The following PCDH15 variants were observed in gnomAD, a reference collection of about 807,000 sequenced individuals.
The protein encoded by PCDH15 is protocadherin related 15.
In PCDH15, 129 loss-of-function variants were observed where a neutral mutation model predicts 178.5. The ratio of observed to expected loss-of-function variants is 0.72; its 90% CI spans 0.63 to 0.84. PCDH15 has a LOEUF of 0.84. Among genes scored for constraint, PCDH15 ranks in the 40% least tolerant of loss-of-function variants. The pLI is 0.00. For synonymous variants in PCDH15, 800 were observed against 732.0 expected (o/e 1.09, Z -1.50); for missense variants, 2,230 against 2,099.9 (o/e 1.06, Z -1.21).
chr10:54,030,361 C>T (rs992502047), intron 18 of PCDH15, among the ~76,000 whole-genome samples: 3 of 118,482 alleles, frequency 2.5e-5, no homozygotes, highest in Admixed American at 1.0e-4. Flanking sequence ...AAAAGATGTA[C>T]AATAGTTGTC....
chr10:55,366,073 T>TTAAA (rs1452387449), intron 2 of PCDH15: 1 of 152,122 alleles, frequency 6.6e-6, no homozygotes, highest in Non-Finnish European at 1.5e-5. Flanking sequence ...CATTTGTACT[T>TTAAA]TAAATACTTG....
At chr10:54,683,128 G>A (rs1407068916) in intron 1 of PCDH15, among the ~76,000 whole-genome samples, 9 of 152,004 alleles carry the variant, frequency 5.9e-5, no homozygotes, top group Admixed American at 5.9e-4. Context: ...CTATTGTTCA[G>A]ATTTTTTAAA....
intron 2 of PCDH15, among the ~76,000 whole-genome samples, chr10:55,098,067 A>C (rs1322952291): frequency 6.6e-6 from 1 of 152,146 alleles, no homozygotes; most frequent in African/African-American, 2.4e-5. Flanking sequence ...GAGGTGAAAA[A>C]ACATTGCATG....
chr10:55,052,537 C>CAAAAAAAAAAAAAAAAAAAAAA lies in PCDH15; in HGVS notation c.-80+114017_-80+114038dup, dbSNP rs71014444. On this transcript the variant is annotated intron_variant, in intron 2 of 5. Coordinates refer to the PCDH15 transcript ENST00000458638. ...AACATGGCGAAAACCCCGTCTCATA[C>CAAAAAAAAAAAAAAAAAAAAAA]AAAAAAAAAAAAAAAAAAAAAAAAA... Among the ~76,000 whole-genome samples, 2 of 39,362 alleles carry CAAAAAAAAAAAAAAAAAAAAAA rather than the reference C, an allele frequency of 5.1e-5. 1 individual carries two copies. Among genetic ancestry groups the CAAAAAAAAAAAAAAAAAAAAAA allele is most frequent in the African/African-American group, 1.8e-4 (2 of 11,390 alleles). 25.8% of individuals were successfully genotyped at this position (39,362 alleles called of 152,430 possible).
At chr10:55,540,464 GT>G (rs1277924529) in intron 2 of PCDH15, among the ~76,000 whole-genome samples, 1 of 151,944 alleles carries the variant, frequency 6.6e-6, no homozygotes, top group African/African-American at 2.4e-5. Context: ...GAGAGAAGAA[GT>G]TTGTGTTTTC....
intron 1 of PCDH15, among the ~76,000 whole-genome samples, chr10:55,249,957 T>A (rs576525249): frequency 6.6e-6 from 1 of 151,980 alleles, no homozygotes; most frequent in South Asian, 2.1e-4. Flanking sequence ...GGTCATGATC[T>A]CTAGAAAAAA....
At chr10:55,465,122 G>A (rs1464364037) in intron 2 of PCDH15, among the ~76,000 whole-genome samples, 2 of 152,068 alleles carry the variant, frequency 1.3e-5, no homozygotes, top group Admixed American at 6.6e-5. Context: ...AACAGGGTGT[G>A]TATGCACACA....
At chr10:55,545,674 G>C (rs903244304) in intron 2 of PCDH15, among the ~76,000 whole-genome samples, 1 of 151,746 alleles carries the variant, frequency 6.6e-6, no homozygotes, top group African/African-American at 2.4e-5. Context: ...GCCTCCCAAA[G>C]TGCTGGGATT....
At chr10:53,831,636 AAC>A in intron 29 of PCDH15, 103 bp from the exon 30 acceptor site, 2 of 825,620 alleles carry the variant, frequency 2.4e-6, no homozygotes, top group East Asian at 2.7e-5. Flanking sequence ...CTCTAATTGA[AAC>A]ACAAGCTGAG....
chr10:53,869,000 G>A (rs1589166033), intron 26 of PCDH15, among the ~76,000 whole-genome samples: 1 of 152,160 alleles, frequency 6.6e-6, no homozygotes, highest in South Asian at 2.1e-4. Context: ...TAGACACAGG[G>A]TCTCGCTATG....
At position 55,326,966 on chromosome 10, in the gene PCDH15, C is replaced by T. The variant is rs186442831; in HGVS notation, c.-155-160315G>A. 6.6e-5 allele frequency among the ~76,000 whole-genome samples: 10 copies of T among 152,174 alleles called. No homozygotes were observed. The East Asian group carries it at 1.9e-3, about 29-fold the overall frequency. ...AATGTATTTCTAGACATAGACCTTA[C>T]ATAGTTTACAGAAAAATAACACAGA... On this transcript the variant is annotated intron_variant, in intron 2 of 5. Coordinates refer to the PCDH15 transcript ENST00000613346.
intron 2 of PCDH15, among the ~76,000 whole-genome samples, chr10:54,603,552 C>T (rs992687850): frequency 6.6e-6 from 1 of 151,134 alleles, no homozygotes; most frequent in Non-Finnish European, 1.5e-5. Flanking sequence ...CCATGTCTCT[C>T]GAGGCTGTGA....
intron 1 of PCDH15, among the ~76,000 whole-genome samples, chr10:55,201,215 C>T (rs925120391): frequency 6.6e-6 from 1 of 152,026 alleles, no homozygotes; most frequent in Non-Finnish European, 1.5e-5. Flanking sequence ...ACTTTTGTCA[C>T]ACAAGGTAAA....
At chr10:54,200,510 C>T (rs909408284) in intron 10 of PCDH15, among the ~76,000 whole-genome samples, 6 of 152,080 alleles carry the variant, frequency 3.9e-5, no homozygotes, top group African/African-American at 1.2e-4. Flanking sequence ...CTTCTTAGAT[C>T]GCAAGTGCTC....
At chr10:55,454,122 G>C (rs1839496124) in intron 2 of PCDH15, among the ~76,000 whole-genome samples, 1 of 151,932 alleles carries the variant, frequency 6.6e-6, no homozygotes, top group African/African-American at 2.4e-5. Flanking sequence ...ATATTTATAA[G>C]AATGTGTCTC....
chr10:55,584,658 CAAAAAAA>C (rs59983365), intron 2 of PCDH15, among the ~76,000 whole-genome samples: 7 of 72,258 alleles, frequency 9.7e-5, no homozygotes, highest in East Asian at 3.9e-4. Context: ...ACTCTGTCTC[CAAAAAAA>C]AAAAAAAAAA....
chr10:55,297,566 G>C (rs1363069184), intron 1 of PCDH15, among the ~76,000 whole-genome samples: 1 of 151,790 alleles, frequency 6.6e-6, no homozygotes, highest in African/African-American at 2.4e-5. Flanking sequence ...GTCATATTTT[G>C]GTTGTAATTT....
intron 2 of PCDH15, among the ~76,000 whole-genome samples, chr10:55,032,713 G>A (rs867483146): frequency 1.3e-5 from 2 of 152,134 alleles, no homozygotes; most frequent in African/African-American, 4.8e-5. Context: ...GGATAGACGG[G>A]TGCCAGGTGC....
At chr10:54,954,716 T>C (rs1292407587) in intron 2 of PCDH15, among the ~76,000 whole-genome samples, 2 of 151,264 alleles carry the variant, frequency 1.3e-5, no homozygotes, top group Non-Finnish European at 3.0e-5. Flanking sequence ...TTAGCTCTGG[T>C]AGGATTTTAT....
Sources: allele counts gnomAD v4.1 joint callset (sites outside exome capture counted in the v4.1 genomes callset), GRCh38; gene constraint gnomAD v4.1.1; transcripts MANE v1.5; gene names NCBI Gene and HGNC (gene_info 2026-07-23, HGNC 2026-07-21).